The following RBM23 variants were observed in gnomAD, a reference collection of about 807,000 sequenced individuals.
RBM23 encodes RNA binding motif protein 23, also known as probable RNA-binding protein 23.
Under a neutral mutation model 56.2 loss-of-function variants are expected in RBM23, and 53 were observed. The observed-to-expected ratio is 0.94, with a 90% confidence interval of 0.76 to 1.19. RBM23 has a LOEUF of 1.19. Ranked by LOEUF, RBM23 falls within the 50% of genes most tolerant of loss-of-function variation. RBM23 has a pLI of 0.00. For missense variants in RBM23, 642 were observed against 590.3 expected, an observed-to-expected ratio of 1.09 and a Z score of -0.91; for synonymous variants, 197 against 198.5, an observed-to-expected ratio of 0.99 and a Z score of 0.06.
chr14:22,907,504 G>A (rs566666172), intron 4 of RBM23, among the ~76,000 whole-genome samples: 3 of 152,246 alleles, frequency 2.0e-5, no homozygotes, highest in African/African-American at 4.8e-5. Flanking sequence ...GATAACTCAA[G>A]TACACTGATT....
At chr14:22,904,730 A>C in intron 9 of RBM23, 145 bp downstream of exon 9, 1 of 1,253,148 alleles carries the variant, frequency 8.0e-7, no homozygotes. Context: ...AGATGGAGCC[A>C]AACTTTCACA....
intron 10 of RBM23, chr14:22,902,592 T>C (rs893399297): frequency 7.8e-7 from 1 of 1,287,964 alleles, no homozygotes; most frequent in East Asian, 2.9e-5. Flanking sequence ...GCAGTCACTT[T>C]TCAATCTTTC....
chr14:22,916,255 G>A (rs1240446080), intron 1 of RBM23, among the ~76,000 whole-genome samples: 3 of 150,870 alleles, frequency 2.0e-5, no homozygotes, highest in African/African-American at 7.3e-5. Flanking sequence ...TCAAAGGGAA[G>A]AATGTTTTTT....
chr14:22,916,921 T>TGCAATGGC (rs2043619612), intron 1 of RBM23: 1 of 152,000 alleles, frequency 6.6e-6, no homozygotes, highest in Non-Finnish European at 1.5e-5. Context: ...CAGGATGGAG[T>TGCAATGGC]GCAATGGCGC....
chr14:22,917,844 T>G (rs2043825000), intron 1 of RBM23: 1 of 152,208 alleles, frequency 6.6e-6, no homozygotes, highest in Non-Finnish European at 1.5e-5. Flanking sequence ...TCACGTCAGT[T>G]CCTAGACCTC....
intron 1 of RBM23, among the ~76,000 whole-genome samples, chr14:22,912,768 TCACGAGGTCAAC>T (rs1470076978): frequency 6.6e-6 from 1 of 151,230 alleles, no homozygotes; most frequent in African/African-American, 2.4e-5. Context: ...GGCGGGCAGA[TCACGAGGTCAAC>T]GACGAGGTCA....
At chr14:22,902,756 CTTTTTTTTTTTTTT>C (rs59987550) in intron 10 of RBM23, 7 of 458,216 alleles carry the variant, frequency 1.5e-5, no homozygotes, top group Non-Finnish European at 1.5e-5. Flanking sequence ...AAGTTTTAGT[CTTTTTTTTTTTTTT>C]TTTTTTTTTT....
In RBM23 at chr14:22,900,692, A is replaced by C. The variant is rs949688803; in HGVS notation, c.*1038T>G. On this transcript the variant is annotated 3_prime_UTR_variant, in exon 14 of 14. Coordinates refer to ENST00000359890, the MANE Select transcript of RBM23 (RefSeq NM_001077351.2). ...CCCTAGAAACATCATAAGTTGGGCTAATGAGAAGTTGTCAGACACACAACA... is the reference window on the plus strand; with the variant it reads ...CCCTAGAAACATCATAAGTTGGGCTCATGAGAAGTTGTCAGACACACAACA... 2.0e-5 allele frequency: 3 copies of C among 152,214 alleles called. No homozygotes were observed. The highest frequency in any genetic ancestry group is 4.8e-5 in the African/African-American group (2 of 41,450). 9.4% of individuals were successfully genotyped at this position (152,214 alleles called of 1,614,324 possible).
At chr14:22,908,606 T>C in intron 3 of RBM23, 1 of 425,852 alleles carries the variant, frequency 2.3e-6, no homozygotes, top group Non-Finnish European at 4.2e-6. Flanking sequence ...GTTGGCCAGG[T>C]TCATCTTGAA....
intron 3 of RBM23, among the ~76,000 whole-genome samples, chr14:22,909,071 T>C (rs1324462717): frequency 6.6e-6 from 1 of 151,950 alleles, no homozygotes; most frequent in African/African-American, 2.4e-5. Context: ...GCCTCCTGAG[T>C]AGCTGGGATT....
At chr14:22,912,438 C>A (rs1024680931) in intron 1 of RBM23, among the ~76,000 whole-genome samples, 1 of 152,174 alleles carries the variant, frequency 6.6e-6, no homozygotes, top group African/African-American at 2.4e-5. Context: ...TTCTCTCTGG[C>A]AGGCAAGGTA....
intron 4 of RBM23, 104 bp downstream of exon 4, chr14:22,908,229 C>A: frequency 1.6e-6 from 2 of 1,275,984 alleles, no homozygotes; most frequent in South Asian, 1.4e-5. Flanking sequence ...CTATGTTGCC[C>A]AGGCTGGTTT....
At chr14:22,903,105 T>C in intron 10 of RBM23, 1 of 985,418 alleles carries the variant, frequency 1.0e-6, no homozygotes, top group Non-Finnish European at 1.2e-6. Context: ...GTACTAGGAA[T>C]CTGGAACTCC....
At chr14:22,918,195 G>C (rs989717909) in intron 1 of RBM23, among the ~76,000 whole-genome samples, 4 of 151,934 alleles carry the variant, frequency 2.6e-5, no homozygotes, top group African/African-American at 9.7e-5. Context: ...AGGAGTTCGA[G>C]GTCAGCCTGG....
intron 1 of RBM23, chr14:22,917,681 A>AT (rs2043796619): frequency 6.6e-6 from 1 of 151,806 alleles, no homozygotes; most frequent in Non-Finnish European, 1.5e-5. Flanking sequence ...AAGTGCTGGG[A>AT]TTACAGGCGT....
chr14:22,908,403 CTTTTTTT>C, intron 3 of RBM23, 23 bp from the exon 4 acceptor site: 1 of 1,301,128 alleles, frequency 7.7e-7, no homozygotes. Context: ...GTACATTCTT[CTTTTTTT>C]TTTTTTAATT....
At chr14:22,914,252 G>A (rs1169753119) in intron 1 of RBM23, among the ~76,000 whole-genome samples, 2 of 150,118 alleles carry the variant, frequency 1.3e-5, no homozygotes, top group Non-Finnish European at 2.9e-5. Context: ...TTGAACCCGG[G>A]AGACAGAGGT....
chr14:22,905,704 G>A (rs1387933799), intron 5 of RBM23, 45 bp from the exon 6 acceptor site: 8 of 1,429,032 alleles, frequency 5.6e-6, no homozygotes, highest in Non-Finnish European at 7.9e-6. Flanking sequence ...ATTCTCATTG[G>A]TCCAATGCTG....
intron 1 of RBM23, among the ~76,000 whole-genome samples, chr14:22,916,697 C>T (rs2043569893): frequency 6.6e-6 from 1 of 151,890 alleles, no homozygotes; most frequent in South Asian, 2.1e-4. Flanking sequence ...AAGATACCTA[C>T]TTTTAAATAT....
Sources: allele counts gnomAD v4.1 joint callset (sites outside exome capture counted in the v4.1 genomes callset), GRCh38; gene constraint gnomAD v4.1.1; transcripts MANE v1.5; gene names NCBI Gene and HGNC (gene_info 2026-07-23, HGNC 2026-07-21).